The following CHD6 variants were observed in gnomAD, a reference collection of about 807,000 sequenced individuals.
CHD6 encodes the protein ATP-dependent chromatin remodeler CHD6.
In CHD6, 50 loss-of-function variants were observed where a neutral mutation model predicts 276.9. That is an observed-to-expected ratio of 0.18 (90% CI 0.14 to 0.23). The LOEUF is 0.23. Ranked by LOEUF, CHD6 falls within the 10% of genes least tolerant of loss-of-function variation. The pLI is 1.00. For synonymous variants in CHD6, 1,173 were observed against 1,229.3 expected, an observed-to-expected ratio of 0.95 and a Z score of 0.96; for missense variants, 2,564 against 3,365.8, an observed-to-expected ratio of 0.76 and a Z score of 5.89.
intron 2 of CHD6, among the ~76,000 whole-genome samples, chr20:41,550,432 C>T (rs935869361): frequency 6.6e-6 from 1 of 152,186 alleles, no homozygotes; most frequent in African/African-American, 2.4e-5. Context: ...TTCCCCAAAC[C>T]AACCTAGCCG....
intron 2 of CHD6, among the ~76,000 whole-genome samples, chr20:41,550,911 T>C (rs536427188): frequency 1.3e-5 from 2 of 152,236 alleles, no homozygotes; most frequent in Non-Finnish European, 2.9e-5. Flanking sequence ...CAGATCATTA[T>C]AAATAAGGAT....
At chr20:41,424,778 G>T (rs1214334700) in intron 29 of CHD6, among the ~76,000 whole-genome samples, 3 of 152,062 alleles carry the variant, frequency 2.0e-5, no homozygotes, top group African/African-American at 7.2e-5. Context: ...GGTATTTATT[G>T]CCCTGGAAGG....
chr20:41,488,051 T>C (rs2043459715), intron 13 of CHD6, among the ~76,000 whole-genome samples: 1 of 152,200 alleles, frequency 6.6e-6, no homozygotes, highest in Admixed American at 6.5e-5. Context: ...TCACTAAATA[T>C]TATTGAGTGC....
At chr20:41,557,273 C>G (rs931755383) in intron 1 of CHD6, among the ~76,000 whole-genome samples, 1 of 152,202 alleles carries the variant, frequency 6.6e-6, no homozygotes, top group African/African-American at 2.4e-5. Context: ...ATTATCTTCA[C>G]AAGAAGGTAA....
intron 17 of CHD6, among the ~76,000 whole-genome samples, chr20:41,460,362 C>A (rs570474764): frequency 6.6e-6 from 1 of 152,280 alleles, no homozygotes; most frequent in East Asian, 1.9e-4. Flanking sequence ...AATGTTAATC[C>A]CCAAGAGCAT....
At chr20:41,480,626 C>G (rs932043702) in intron 16 of CHD6, among the ~76,000 whole-genome samples, 4 of 152,128 alleles carry the variant, frequency 2.6e-5, no homozygotes, top group African/African-American at 9.7e-5. Context: ...AAACATTCAT[C>G]TTCCACAGTG....
chr20:41,571,641 T>A (rs1219879232), intron 1 of CHD6, among the ~76,000 whole-genome samples: 1 of 151,894 alleles, frequency 6.6e-6, no homozygotes, highest in Non-Finnish European at 1.5e-5. Context: ...TTTTGTTGAA[T>A]GAATTAGATA....
At chr20:41,414,891 C>T in intron 34 of CHD6, 2 of 1,265,192 alleles carry the variant, frequency 1.6e-6, no homozygotes, top group Non-Finnish European at 2.0e-6. Flanking sequence ...TCTTGCTCTG[C>T]CGTGCCGTCA....
intron 1 of CHD6, among the ~76,000 whole-genome samples, chr20:41,597,673 G>A (rs968020594): frequency 6.6e-6 from 1 of 151,268 alleles, no homozygotes; most frequent in Non-Finnish European, 1.5e-5. Context: ...ATCATCCCAG[G>A]ACCAACCCCC....
intron 1 of CHD6, among the ~76,000 whole-genome samples, chr20:41,572,799 GGAAA>G (rs2045432601): frequency 6.6e-6 from 1 of 151,990 alleles, no homozygotes; most frequent in Admixed American, 6.6e-5. Context: ...CCTAACCCTG[GGAAA>G]AAGGTCCTCT....
chr20:41,415,817 G>A (rs1033316550), intron 33 of CHD6, among the ~76,000 whole-genome samples, 179 bp from the exon 34 acceptor site: 3 of 152,180 alleles, frequency 2.0e-5, no homozygotes, highest in African/African-American at 7.2e-5. Context: ...TTCTACTTCA[G>A]TGGGTCTGAG....
intron 17 of CHD6, among the ~76,000 whole-genome samples, chr20:41,459,841 AC>A (rs2048489598): frequency 6.6e-6 from 1 of 152,240 alleles, no homozygotes; most frequent in African/African-American, 2.4e-5. Context: ...CTGAAAAGAT[AC>A]CCGAAAACGC....
intron 1 of CHD6, among the ~76,000 whole-genome samples, chr20:41,583,519 G>A (rs773522943): frequency 6.6e-6 from 1 of 152,116 alleles, no homozygotes; most frequent in Non-Finnish European, 1.5e-5. Context: ...TACAAGAAAT[G>A]GTAAACGAAG....
intron 27 of CHD6, among the ~76,000 whole-genome samples, chr20:41,426,841 G>A (rs1347314616): frequency 3.9e-5 from 6 of 152,138 alleles, no homozygotes; most frequent in African/African-American, 1.4e-4. Flanking sequence ...CTCCTCATAT[G>A]TAATTCAGGT....
At chr20:41,407,073 A>C (rs1341379868) in intron 36 of CHD6, among the ~76,000 whole-genome samples, 1 of 152,252 alleles carries the variant, frequency 6.6e-6, no homozygotes. Flanking sequence ...AATGGTCACC[A>C]TCAAGGCCGG....
chr20:41,558,476 A>T (rs2146176590), intron 1 of CHD6, among the ~76,000 whole-genome samples: 1 of 152,332 alleles, frequency 6.6e-6, no homozygotes, highest in African/African-American at 2.4e-5. Context: ...GACGTAAATG[A>T]CGAAGAAGAT....
At chr20:41,594,299 G>C (rs530547304) in intron 1 of CHD6, among the ~76,000 whole-genome samples, 1 of 152,274 alleles carries the variant, frequency 6.6e-6, no homozygotes, top group Admixed American at 6.5e-5. Context: ...GCCTAAGATG[G>C]AAGTCAAACT....
At chr20:41,454,771 G>T in intron 19 of CHD6, 35 bp from the exon 20 acceptor site, 1 of 1,455,310 alleles carries the variant, frequency 6.9e-7, no homozygotes, top group South Asian at 1.2e-5. Context: ...AACTGTGCTT[G>T]AACACAATAC....
chr20:41,560,257 AGAGCCC>A (rs1217084039), intron 1 of CHD6, among the ~76,000 whole-genome samples: 1 of 152,172 alleles, frequency 6.6e-6, no homozygotes, highest in Non-Finnish European at 1.5e-5. Flanking sequence ...CTCATAACAC[AGAGCCC>A]TGCATAAGCG....
Sources: gnomAD v4.1 joint callset for allele counts (sites outside exome capture counted in the v4.1 genomes callset) on GRCh38, gnomAD v4.1.1 for gene constraint, MANE v1.5 for transcripts, NCBI Gene and HGNC (gene_info 2026-07-23, HGNC 2026-07-21) for gene names.